NUMA1: variants seen among roughly 807,000 people sequenced by gnomAD.
The protein encoded by NUMA1 is nuclear mitotic apparatus protein 1, also known as SP-H antigen.
NUMA1 carries 62 observed loss-of-function variants against 237.1 expected under a neutral mutation model. The observed-to-expected ratio is 0.26, with a 90% CI of 0.21 to 0.32. NUMA1 has a LOEUF of 0.32. NUMA1 is among the 10% of genes least tolerant of loss of function. The pLI is 1.00. For synonymous variants in NUMA1, 1,028 were observed against 1,066.1 expected (o/e 0.96, Z 0.70); for missense variants, 2,533 against 2,666.5 (o/e 0.95, Z 1.10).
intron 4 of NUMA1, among the ~76,000 whole-genome samples, chr11:72,028,780 T>C (rs181922407): frequency 1.2e-4 from 19 of 152,346 alleles, no homozygotes. Flanking sequence ...GTGTTTCTTC[T>C]TTCCTTCAGA....
intron 2 of NUMA1, chr11:72,068,617 T>C (rs1943308451): frequency 6.6e-6 from 1 of 151,802 alleles, no homozygotes; most frequent in African/African-American, 2.4e-5. Context: ...AGAGACCCTG[T>C]CTGGAAAAAA....
chr11:72,055,249 C>A (rs1476069184), intron 2 of NUMA1, among the ~76,000 whole-genome samples: 5 of 152,078 alleles, frequency 3.3e-5, no homozygotes, highest in African/African-American at 1.2e-4. Flanking sequence ...AAGGTATTTC[C>A]TGTTTACCAA....
intron 2 of NUMA1, among the ~76,000 whole-genome samples, chr11:72,043,012 C>T (rs930591583): frequency 6.6e-6 from 1 of 152,060 alleles, no homozygotes; most frequent in Non-Finnish European, 1.5e-5. Context: ...GTTCCAGCTA[C>T]TTGGGAGGCT....
chr11:72,061,851 ACACAC>A (rs1197643787), intron 2 of NUMA1, among the ~76,000 whole-genome samples: 1 of 152,020 alleles, frequency 6.6e-6, no homozygotes, highest in African/African-American at 2.4e-5. Flanking sequence ...GTTCCTACCC[ACACAC>A]CACAATAATA....
rs1955933003 is a variant in NUMA1, at chr11:72,008,774, A to C, written c.5130T>G (p.Arg1710=). ...CCAGCTGGGGCTTAGCCTGGGGCTC[A>C]CGGCTCTTTAAAGCATCAGTTGCCA... ...FQVATDALKS[R]EPQAKPQLDL... The change falls in exon 20 of 27, where the codon CGT becomes CGG. Residue 1710 remains arginine (R), a synonymous_variant. Coordinates refer to ENST00000393695, the MANE Select transcript of NUMA1 (RefSeq NM_006185.4). 1 of 1,613,958 alleles carries C rather than the reference A, an allele frequency of 6.2e-7. No homozygotes were observed. Among genetic ancestry groups the C allele is most frequent in the South Asian group, 1.1e-5 (1 of 91,084 alleles).
At chr11:72,039,588 C>CA in intron 2 of NUMA1, 1 of 152,404 alleles carries the variant, frequency 6.6e-6, no homozygotes, top group Non-Finnish European at 1.5e-5. Flanking sequence ...AAAGCCCACA[C>CA]AAGCTCCCAC....
chr11:72,016,092 G>A lies in NUMA1; in HGVS notation c.1411C>T (p.Leu471=), dbSNP rs369583358. 6.2e-7 allele frequency: 1 copy of A among 1,614,188 alleles called. No homozygotes were observed. The highest frequency in any genetic ancestry group is 8.5e-7 in the Non-Finnish European group (1 of 1,180,042). The change falls in exon 15 of 27, where the codon CTG becomes TTG. Residue 471 remains leucine (L), a synonymous_variant. Transcript: ENST00000393695. ...KQQLSSLITD[L]QSSISNLSQA... The stretch of plus-strand genomic sequence containing the variant: ...CTGAGGTTGGAGATGGAGCTCTGCA[G>A]GTCAGTGATCAGGCTAGACAGCTGC...
At chr11:72,016,282 C>T in intron 14 of NUMA1, 22 bp from the exon 15 acceptor site, 2 of 1,585,170 alleles carry the variant, frequency 1.3e-6, no homozygotes, top group Non-Finnish European at 1.7e-6. Context: ...AAGAGACAAA[C>T]TGGGATCAGC....
intron 24 of NUMA1, 132 bp downstream of exon 24, chr11:72,004,508 G>A: frequency 8.0e-7 from 1 of 1,242,510 alleles, no homozygotes; most frequent in Non-Finnish European, 1.1e-6. Flanking sequence ...CCATCCATGG[G>A]TCAGGCCCTT....
intron 20 of NUMA1, chr11:72,008,109 G>A (rs776655358): frequency 6.3e-6 from 3 of 479,072 alleles, no homozygotes; most frequent in South Asian, 4.6e-5. Flanking sequence ...GGTTGTTGGG[G>A]GACAAATCAG....
intron 3 of NUMA1, among the ~76,000 whole-genome samples, chr11:72,034,434 C>T (rs898677530): frequency 1.3e-5 from 2 of 151,678 alleles, no homozygotes; most frequent in Admixed American, 1.3e-4. Flanking sequence ...ACTGGCCAGG[C>T]GTGGTGGCTC....
At position 72,014,859 on chromosome 11, in the gene NUMA1, C is replaced by G. The variant is rs1473748208; in HGVS notation, c.2644G>C (p.Ala882Pro). The change falls in exon 15 of 27, where the codon GCC becomes CCC. Residue 882 changes from alanine to proline, a missense_variant. Around this residue, in one of 3 missense-constraint regions of NUMA1, gnomAD observed 1,414 missense variants for 1,508.1 expected, o/e 0.94. Transcript: ENST00000393695. This position sits in a 1 kb window ranked among gnomAD's most constrained non-coding sequence, Gnocchi z 4.6. ...TCTTGGACCTGCTGGAGTGCTCTGG[C>G]CAGGTTGGCATGGAGCTCAGCTAGT... Reference protein sequence around the residue: ...NELAELHANLARALQQVQEKE... With the variant: ...NELAELHANLPRALQQVQEKE... The G allele has an allele frequency of 6.2e-6, 10 of 1,614,120 alleles. No homozygotes were observed. Among genetic ancestry groups the G allele is most frequent in the Non-Finnish European group, 8.5e-6 (10 of 1,180,054 alleles).
At chr11:72,079,629 C>T (rs986290768) in intron 1 of NUMA1, among the ~76,000 whole-genome samples, 1 of 152,110 alleles carries the variant, frequency 6.6e-6, no homozygotes, top group Non-Finnish European at 1.5e-5. Context: ...GGCTCCCGCC[C>T]ACCCACAATC....
At chr11:72,058,254 A>T (rs1286808613) in intron 2 of NUMA1, among the ~76,000 whole-genome samples, 1 of 152,188 alleles carries the variant, frequency 6.6e-6, no homozygotes, top group Non-Finnish European at 1.5e-5. Context: ...CTACAAGATG[A>T]GAAATGGTAA....
chr11:72,003,304 G>A lies in NUMA1; in HGVS notation c.*223C>T, dbSNP rs745307495. 3.4e-6 allele frequency: 2 copies of A among 581,816 alleles called. No individual in the cohort carries two copies. The highest frequency in any genetic ancestry group is 6.2e-6 in the Non-Finnish European group (2 of 322,708). 36.0% of individuals were successfully genotyped at this position (581,816 alleles called of 1,614,324 possible). ...GAAAAAAGGAGGCAAGGTAGGGAGA[G>A]CGCCCACACTGTCCATGCTCCAGGC... On this transcript the variant is annotated 3_prime_UTR_variant, in exon 27 of 27. Coordinates refer to ENST00000393695, the MANE Select transcript of NUMA1 (RefSeq NM_006185.4).
At chr11:72,022,615 A>C in intron 6 of NUMA1, among the ~76,000 whole-genome samples, 196 bp from the exon 7 acceptor site, 1 of 147,528 alleles carries the variant, frequency 6.8e-6, no homozygotes, top group Non-Finnish European at 1.5e-5. Context: ...GATAGTGTAC[A>C]CTGTACAAAA....
At chr11:72,049,269 G>A (rs1336290914) in intron 2 of NUMA1, 1 of 151,976 alleles carries the variant, frequency 6.6e-6, no homozygotes, top group South Asian at 2.1e-4. Flanking sequence ...TCTTACTGGA[G>A]ACAGCCTCCA....
At chr11:72,055,676 T>C (rs1942594518) in intron 2 of NUMA1, among the ~76,000 whole-genome samples, 1 of 152,150 alleles carries the variant, frequency 6.6e-6, no homozygotes, top group Non-Finnish European at 1.5e-5. Flanking sequence ...TATGTCATAC[T>C]GTAATTATTA....
chr11:72,077,917 G>A (rs1362766128), intron 1 of NUMA1, among the ~76,000 whole-genome samples: 2 of 151,932 alleles, frequency 1.3e-5, no homozygotes, highest in African/African-American at 4.8e-5. Flanking sequence ...TCTGAAGGAT[G>A]TATGTATCTA....
Sources: allele counts gnomAD v4.1 joint callset (sites outside exome capture counted in the v4.1 genomes callset), GRCh38; gene constraint gnomAD v4.1.1; regional missense constraint gnomAD v4.1.1; non-coding constraint Gnocchi (gnomAD v3.1); transcripts MANE v1.5; gene names NCBI Gene and HGNC (gene_info 2026-07-23, HGNC 2026-07-21).